The following SULT6B1 variants were observed in gnomAD, a reference collection of about 807,000 sequenced individuals.
SULT6B1 encodes the protein sulfotransferase family 6B member 1.
Under a neutral mutation model 37.2 loss-of-function variants are expected in SULT6B1, and 44 were observed. The ratio of observed to expected loss-of-function variants is 1.18; its 90% confidence interval spans 0.93 to 1.52. The LOEUF (loss-of-function observed/expected upper bound fraction) is 1.52, where lower values mean the gene tolerates loss of function less well. Ranked by LOEUF, SULT6B1 falls within the 40% of genes most tolerant of loss-of-function variation. SULT6B1 has a pLI of 0.00. For missense variants in SULT6B1, 450 were observed against 361.0 expected, an observed-to-expected ratio of 1.25 and a Z score of -2.00; for synonymous variants, 140 against 126.0, an observed-to-expected ratio of 1.11 and a Z score of -0.74.
intron 1 of SULT6B1, among the ~76,000 whole-genome samples, chr2:37,195,024 A>G (rs1676881183): frequency 6.6e-6 from 1 of 151,158 alleles, no homozygotes; most frequent in Admixed American, 6.6e-5. Flanking sequence ...ATCTTGGCTC[A>G]CTTTAACCTC....
At chr2:37,192,917 T>C (rs924442173), upstream of SULT6B1, among the ~76,000 whole-genome samples, 1 of 152,210 alleles carries the variant, frequency 6.6e-6, no homozygotes, top group East Asian at 1.9e-4. Flanking sequence ...AACTCTGAGT[T>C]GTCTGGCAAG....
At chr2:37,181,488 C>T (rs1676548309) in intron 3 of SULT6B1, among the ~76,000 whole-genome samples, 1 of 152,148 alleles carries the variant, frequency 6.6e-6, no homozygotes, top group Non-Finnish European at 1.5e-5. Flanking sequence ...TCAAGCAATC[C>T]TCCATCTCAG....
intron 3 of SULT6B1, among the ~76,000 whole-genome samples, chr2:37,181,871 T>A (rs1676558371): frequency 6.6e-6 from 1 of 152,196 alleles, no homozygotes; most frequent in Admixed American, 6.5e-5. Flanking sequence ...CTTTACACAT[T>A]CGCGATATAA....
intron 3 of SULT6B1, among the ~76,000 whole-genome samples, chr2:37,180,760 T>G (rs1263971362): frequency 6.6e-6 from 1 of 152,174 alleles, no homozygotes; most frequent in Admixed American, 6.6e-5. Context: ...GTTGTGCACC[T>G]GTAGTCTCAG....
chr2:37,174,096 C>A (rs551397452), intron 5 of SULT6B1, among the ~76,000 whole-genome samples: 1 of 152,242 alleles, frequency 6.6e-6, no homozygotes, highest in African/African-American at 2.4e-5. Context: ...ACTATCCCAG[C>A]TTTTGCTCCA....
intron 5 of SULT6B1, among the ~76,000 whole-genome samples, chr2:37,172,970 A>T (rs1676338793): frequency 6.6e-6 from 1 of 152,086 alleles, no homozygotes; most frequent in Non-Finnish European, 1.5e-5. Flanking sequence ...CTCCTGCCTC[A>T]GCCTCCTGAG....
chr2:37,168,471 T>C (rs1379386506), intron 6 of SULT6B1, among the ~76,000 whole-genome samples: 2 of 152,186 alleles, frequency 1.3e-5, no homozygotes, highest in African/African-American at 4.8e-5. Flanking sequence ...TTTTACACTC[T>C]TAAAACCTAA....
At chr2:37,192,789 A>G (rs137856622), upstream of SULT6B1, among the ~76,000 whole-genome samples, 600 of 152,332 alleles carry the variant, frequency 3.9e-3, 22 homozygotes, top group Admixed American at 0.037. Context: ...TTGTTCTGAC[A>G]CTAATGCCTG....
intron 6 of SULT6B1, 132 bp from the exon 7 acceptor site, chr2:37,168,197 T>G: frequency 1.1e-6 from 1 of 915,712 alleles, no homozygotes; most frequent in Non-Finnish European, 1.5e-6. Context: ...CACTCTTTAT[T>G]TAGTTTTTTT....
At chr2:37,170,454 A>G (rs1459545870) in intron 6 of SULT6B1, among the ~76,000 whole-genome samples, 2 of 151,594 alleles carry the variant, frequency 1.3e-5, no homozygotes, top group Non-Finnish European at 2.9e-5. Flanking sequence ...GCGACAGAGC[A>G]AGACTCTGTC....
intron 3 of SULT6B1, among the ~76,000 whole-genome samples, chr2:37,182,452 T>C (rs945854261): frequency 2.0e-5 from 3 of 152,056 alleles, no homozygotes; most frequent in Non-Finnish European, 4.4e-5. Context: ...ATTGGGGGTT[T>C]TGCCATTAAA....
intron 1 of SULT6B1, chr2:37,194,458 C>G: frequency 2.3e-6 from 1 of 426,608 alleles, no homozygotes; most frequent in East Asian, 6.9e-5. Context: ...AATCTTCATC[C>G]TCATTACATC....
chr2:37,183,911 T>C (rs990148811), intron 2 of SULT6B1, among the ~76,000 whole-genome samples: 24 of 152,206 alleles, frequency 1.6e-4, no homozygotes, highest in African/African-American at 5.5e-4. Flanking sequence ...CCCAAAGTGC[T>C]GCGATTACAG....
chr2:37,181,863 T>G (rs1455023102), intron 3 of SULT6B1, among the ~76,000 whole-genome samples: 4 of 152,204 alleles, frequency 2.6e-5, no homozygotes, highest in African/African-American at 9.6e-5. Context: ...ATTTCAGACT[T>G]TACACATTCG....
upstream of SULT6B1, among the ~76,000 whole-genome samples, chr2:37,189,376 G>C (rs1306462153): frequency 6.6e-6 from 1 of 152,244 alleles, no homozygotes; most frequent in Non-Finnish European, 1.5e-5. Flanking sequence ...GCAAGTTTCA[G>C]AGCAGGAGTG....
intron 4 of SULT6B1, among the ~76,000 whole-genome samples, chr2:37,179,132 G>A (rs111236859): frequency 1.3e-5 from 2 of 152,122 alleles, no homozygotes; most frequent in African/African-American, 4.8e-5. Context: ...CTAATTTTTT[G>A]TATTTTTAGT....
intron 6 of SULT6B1, among the ~76,000 whole-genome samples, chr2:37,170,468 A>G (rs569945908): frequency 6.6e-6 from 1 of 151,022 alleles, no homozygotes; most frequent in African/African-American, 2.4e-5. Context: ...CTCTGTCTCA[A>G]AAAAAATATA....
chr2:37,171,724 T>C, intron 5 of SULT6B1, 134 bp from the exon 6 acceptor site: 1 of 698,174 alleles, frequency 1.4e-6, no homozygotes, highest in South Asian at 2.1e-5. Flanking sequence ...AAACTTAGAG[T>C]ACTTTCATCT....
intron 1 of SULT6B1, among the ~76,000 whole-genome samples, chr2:37,188,153 A>G (rs1396857840): frequency 6.6e-6 from 1 of 152,152 alleles, no homozygotes. Flanking sequence ...GGACTTTCCC[A>G]CATTCATGCT....
Sources: allele counts gnomAD v4.1 joint callset (sites outside exome capture counted in the v4.1 genomes callset), GRCh38; gene constraint gnomAD v4.1.1; transcripts MANE v1.5; gene names NCBI Gene and HGNC (gene_info 2026-07-23, HGNC 2026-07-21).